Variants in NKAIN2 observed in about 807,000 individuals in gnomAD.
NKAIN2 encodes sodium/potassium transporting ATPase interacting 2, also known as sodium/potassium-transporting ATPase subunit beta-1-interacting protein 2.
In NKAIN2, 14 loss-of-function variants were observed where a neutral mutation model predicts 32.6. The observed-to-expected ratio is 0.43, with a 90% CI of 0.28 to 0.67. The LOEUF (loss-of-function observed/expected upper bound fraction) is 0.67, where lower values mean the gene tolerates loss of function less well. Among genes scored for constraint, NKAIN2 ranks in the 30% least tolerant of loss-of-function variants. NKAIN2 has a pLI of 0.17. For synonymous variants in NKAIN2, 80 were observed against 87.2 expected (o/e 0.92, Z 0.46); for missense variants, 198 against 258.3 (o/e 0.77, Z 1.60).
chr6:124,414,434 T>C (rs1583215750), intron 3 of NKAIN2, among the ~76,000 whole-genome samples: 1 of 152,174 alleles, frequency 6.6e-6, no homozygotes, highest in East Asian at 1.9e-4. Flanking sequence ...GCTATATCTA[T>C]GTTCATGAGA....
intron 1 of NKAIN2, among the ~76,000 whole-genome samples, chr6:123,881,802 C>A (rs1299949939): frequency 6.6e-6 from 1 of 152,094 alleles, no homozygotes; most frequent in African/African-American, 2.4e-5. Flanking sequence ...CATGACTTAG[C>A]TATGAAACAA....
At chr6:123,880,254 C>G (rs1773386358) in intron 1 of NKAIN2, among the ~76,000 whole-genome samples, 1 of 152,208 alleles carries the variant, frequency 6.6e-6, no homozygotes, top group Admixed American at 6.5e-5. Flanking sequence ...TGTCCACTGG[C>G]TTGTGCCATT....
chr6:124,418,721 A>G (rs1483013503), intron 3 of NKAIN2, among the ~76,000 whole-genome samples: 1 of 151,454 alleles, frequency 6.6e-6, no homozygotes, highest in Non-Finnish European at 1.5e-5. Context: ...GTCCAAGATA[A>G]TGAGGTATTG....
intron 5 of NKAIN2, among the ~76,000 whole-genome samples, chr6:124,795,266 C>T (rs1374301885): frequency 6.6e-6 from 1 of 152,126 alleles, no homozygotes; most frequent in African/African-American, 2.4e-5. Context: ...TTCTTTAAGT[C>T]AACATGAAGC....
intron 3 of NKAIN2, among the ~76,000 whole-genome samples, chr6:124,359,380 G>A (rs889077439): frequency 2.0e-4 from 30 of 152,204 alleles, no homozygotes; most frequent in African/African-American, 7.0e-4. Context: ...CCATTTTCAC[G>A]ATATTGATTC....
chr6:124,286,744 C>T (rs778869704), intron 2 of NKAIN2, among the ~76,000 whole-genome samples: 7 of 151,360 alleles, frequency 4.6e-5, no homozygotes, highest in Admixed American at 1.3e-4. Context: ...TGCAATGGTA[C>T]GGTCTCCGCT....
chr6:124,806,341 A>T (rs991664963), intron 5 of NKAIN2, among the ~76,000 whole-genome samples: 4 of 152,138 alleles, frequency 2.6e-5, no homozygotes, highest in South Asian at 2.1e-4. Flanking sequence ...TATTCAACAT[A>T]CTTAAAGAAA....
chr6:124,573,767 G>A (rs1477741863), intron 3 of NKAIN2, among the ~76,000 whole-genome samples: 1 of 152,118 alleles, frequency 6.6e-6, no homozygotes, highest in African/African-American at 2.4e-5. Context: ...TAGCAGACTA[G>A]TGATATATAG....
chr6:124,300,345 G>A (rs781622992), intron 2 of NKAIN2, among the ~76,000 whole-genome samples: 4 of 152,060 alleles, frequency 2.6e-5, no homozygotes, highest in Non-Finnish European at 5.9e-5. Flanking sequence ...GCTCCTCATT[G>A]TCTTCTGTCA....
intron 3 of NKAIN2, among the ~76,000 whole-genome samples, chr6:124,515,196 A>G (rs1778857845): frequency 1.3e-5 from 2 of 152,084 alleles, no homozygotes; most frequent in Non-Finnish European, 2.9e-5. Context: ...TGTACTTTAA[A>G]TCATTCTGCC....
intron 1 of NKAIN2, among the ~76,000 whole-genome samples, chr6:124,126,717 G>T (rs1489884072): frequency 2.0e-5 from 3 of 152,162 alleles, no homozygotes; most frequent in African/African-American, 7.2e-5. Context: ...AGCCCAGTCT[G>T]GGCAACACAG....
chr6:123,829,637 A>G (rs1018884915), intron 1 of NKAIN2, among the ~76,000 whole-genome samples: 1 of 152,180 alleles, frequency 6.6e-6, no homozygotes, highest in African/African-American at 2.4e-5. Flanking sequence ...AGTGAGGACC[A>G]ACCACAGAGT....
intron 1 of NKAIN2, among the ~76,000 whole-genome samples, chr6:123,897,937 G>T (rs562007678): frequency 6.6e-6 from 1 of 152,300 alleles, no homozygotes; most frequent in East Asian, 1.9e-4. Flanking sequence ...CATATGTGCA[G>T]AAAGTTTGCA....
intron 2 of NKAIN2, among the ~76,000 whole-genome samples, chr6:124,339,362 A>T (rs1242865852): frequency 6.6e-6 from 1 of 152,036 alleles, no homozygotes. Context: ...AAACAACAAC[A>T]ACAACAAAAA....
At chr6:124,661,422 T>G (rs1161640610) in intron 4 of NKAIN2, among the ~76,000 whole-genome samples, 1 of 152,196 alleles carries the variant, frequency 6.6e-6, no homozygotes, top group Non-Finnish European at 1.5e-5. Flanking sequence ...CATTCAGCCT[T>G]TCTTTCACAG....
intron 1 of NKAIN2, among the ~76,000 whole-genome samples, chr6:124,008,403 A>G (rs1470658332): frequency 6.6e-6 from 1 of 152,200 alleles, no homozygotes; most frequent in East Asian, 1.9e-4. Context: ...ACAGAACTGT[A>G]TATTATGTAC....
intron 3 of NKAIN2, among the ~76,000 whole-genome samples, chr6:124,652,312 T>A (rs1411423518): frequency 6.6e-6 from 1 of 152,218 alleles, no homozygotes; most frequent in Non-Finnish European, 1.5e-5. Flanking sequence ...ATTCCTATCA[T>A]AACCACTTAA....
At chr6:123,942,055 T>A (rs1375950296) in intron 1 of NKAIN2, among the ~76,000 whole-genome samples, 1 of 151,970 alleles carries the variant, frequency 6.6e-6, no homozygotes, top group Non-Finnish European at 1.5e-5. Context: ...TTTGCTAACA[T>A]CATCATTTTA....
At chr6:124,176,206 GAC>G (rs1298095843) in intron 1 of NKAIN2, among the ~76,000 whole-genome samples, 1 of 152,166 alleles carries the variant, frequency 6.6e-6, no homozygotes, top group East Asian at 1.9e-4. Flanking sequence ...TGCTGACAGA[GAC>G]ACAAAGTGAG....
Sources: gnomAD v4.1 joint callset for allele counts (sites outside exome capture counted in the v4.1 genomes callset) on GRCh38, gnomAD v4.1.1 for gene constraint, MANE v1.5 for transcripts, NCBI Gene and HGNC (gene_info 2026-07-23, HGNC 2026-07-21) for gene names.